The following MTUS2 variants were observed in gnomAD, a reference collection of about 807,000 sequenced individuals.
MTUS2 encodes the protein microtubule associated scaffold protein 2.
A neutral mutation model predicts 114.1 loss-of-function variants in MTUS2; 40 were observed. That is an observed-to-expected ratio of 0.35 (90% confidence interval 0.27 to 0.46). The LOEUF (loss-of-function observed/expected upper bound fraction) is 0.46. MTUS2 is among the 20% of genes least tolerant of loss of function. The pLI is 1.00. For missense variants in MTUS2, 1,679 were observed against 1,705.4 expected, an observed-to-expected ratio of 0.98 and a Z score of 0.27; for synonymous variants, 688 against 672.0, an observed-to-expected ratio of 1.02 and a Z score of -0.37.
At position 29,025,303 on chromosome 13, in the gene MTUS2, C is replaced by T; in HGVS notation, c.605C>T (p.Ser202Phe). 3 of 1,613,952 alleles carry T rather than the reference C, an allele frequency of 1.9e-6. No individual in the cohort carries two copies. The highest frequency in any genetic ancestry group is 2.5e-6 in the Non-Finnish European group (3 of 1,179,882). Residue 202 changes from serine (S) to phenylalanine (F), a missense_variant, in exon 3 of 16, where the codon TCC becomes TTC. By Grantham distance (155) the Ser-to-Phe change is radical (BLOSUM62 -2). Coordinates refer to ENST00000612955, the MANE Select transcript of MTUS2 (RefSeq NM_001033602.4). ...CATCCACAGCCTCTATCCCTCGACT[C>T]CCGGGAAGCACGGGGTCAGATACCT... ...PQHPQPLSLD[S>F]REARGQIPGG...
intron 5 of MTUS2, among the ~76,000 whole-genome samples, chr13:29,268,752 C>G (rs7320114): frequency 0.9 from 136,302 of 152,124 alleles, 62,048 homozygotes; most frequent in Non-Finnish European, 0.98. Context: ...GGCAGGGTCT[C>G]TCTGTGTTGT....
At chr13:29,501,856 C>A (rs925807436) in intron 15 of MTUS2, among the ~76,000 whole-genome samples, 1 of 152,096 alleles carries the variant, frequency 6.6e-6, no homozygotes, top group African/African-American at 2.4e-5. Flanking sequence ...TGCTCACTCA[C>A]ACACACACTT....
chr13:29,443,891 A>G (rs1258217344), intron 9 of MTUS2, among the ~76,000 whole-genome samples: 1 of 152,052 alleles, frequency 6.6e-6, no homozygotes, highest in Non-Finnish European at 1.5e-5. Context: ...CATGGGGGAG[A>G]TGGAATTTCT....
At chr13:28,897,732 A>T (rs1413161875) in intron 2 of MTUS2, among the ~76,000 whole-genome samples, 1 of 152,156 alleles carries the variant, frequency 6.6e-6, no homozygotes, top group African/African-American at 2.4e-5. Context: ...ATAAAAAATG[A>T]TGAGTTCATG....
intron 2 of MTUS2, among the ~76,000 whole-genome samples, chr13:28,893,705 A>G (rs972693977): frequency 4.6e-5 from 7 of 152,212 alleles, no homozygotes; most frequent in African/African-American, 1.4e-4. Flanking sequence ...CATCAGAAGC[A>G]ACATTGAGAT....
At chr13:29,309,232 A>G (rs759319172) in intron 6 of MTUS2, among the ~76,000 whole-genome samples, 5 of 152,214 alleles carry the variant, frequency 3.3e-5, no homozygotes, top group Non-Finnish European at 7.3e-5. Flanking sequence ...TATATACACT[A>G]TGGGATACTA....
intron 9 of MTUS2, among the ~76,000 whole-genome samples, chr13:29,448,282 G>A (rs1878429878): frequency 6.6e-6 from 1 of 152,198 alleles, no homozygotes; most frequent in Admixed American, 6.5e-5. Flanking sequence ...TGGAAGGCCT[G>A]TTGATGTGAA....
intron 5 of MTUS2, among the ~76,000 whole-genome samples, chr13:29,194,402 AAAAC>A (rs1197030041): frequency 8.0e-5 from 12 of 150,632 alleles, no homozygotes; most frequent in South Asian, 6.2e-4. Context: ...TTACAAGAAA[AAAAC>A]AAACAACCCC....
chr13:29,097,653 G>A (rs764271405), intron 4 of MTUS2, among the ~76,000 whole-genome samples: 1 of 152,168 alleles, frequency 6.6e-6, no homozygotes, highest in Non-Finnish European at 1.5e-5. Flanking sequence ...TGTGGCTGAA[G>A]GTCTGAGATC....
At chr13:29,009,403 A>G (rs1420156348) in intron 2 of MTUS2, among the ~76,000 whole-genome samples, 2 of 151,894 alleles carry the variant, frequency 1.3e-5, no homozygotes, top group Admixed American at 6.6e-5. Context: ...TGATATATCA[A>G]AAATATTAAT....
At chr13:29,377,502 A>G (rs901904623) in intron 8 of MTUS2, among the ~76,000 whole-genome samples, 14 of 152,228 alleles carry the variant, frequency 9.2e-5, no homozygotes, top group Admixed American at 6.5e-4. Flanking sequence ...TTGGATGTTA[A>G]ATTACACACT....
chr13:29,213,547 C>A (rs1158273844), intron 5 of MTUS2, among the ~76,000 whole-genome samples: 1 of 152,154 alleles, frequency 6.6e-6, no homozygotes, highest in Non-Finnish European at 1.5e-5. Context: ...TTAGTTTTAT[C>A]ATTTTGATGA....
intron 8 of MTUS2, among the ~76,000 whole-genome samples, chr13:29,398,360 C>T (rs1415824970): frequency 1.3e-5 from 2 of 151,402 alleles, no homozygotes. Context: ...ACTTGGGAGG[C>T]TGAGGCAGGG....
intron 8 of MTUS2, among the ~76,000 whole-genome samples, chr13:29,383,463 C>G (rs1460147201): frequency 2.0e-5 from 3 of 152,050 alleles, no homozygotes; most frequent in African/African-American, 7.2e-5. Context: ...AAACACTGTG[C>G]CTAGCGAAGG....
intron 2 of MTUS2, among the ~76,000 whole-genome samples, chr13:28,882,337 C>A (rs1878340887): frequency 1.3e-5 from 2 of 152,128 alleles, no homozygotes; most frequent in Admixed American, 6.5e-5. Flanking sequence ...TGTGAGCCAC[C>A]ACGCCCGGCC....
At chr13:29,152,690 T>C (rs9508299) in intron 5 of MTUS2, among the ~76,000 whole-genome samples, 60,759 of 151,870 alleles carry the variant, frequency 0.4, 13,950 homozygotes, top group Non-Finnish European at 0.48. Flanking sequence ...TGCCTCAAGA[T>C]GTGGCTTCCC....
rs1177328008 is a variant in MTUS2 at position 29,281,868 on chromosome 13, A to C, written c.2806+3A>C. ...AAAATCCACTTCCACACCCGCTGGT[A>C]AGACTTTGTGCCTTGGAGAGGCTCC... On this transcript the variant is annotated splice_donor_region_variant and intron_variant, in intron 6 of 15. Transcript: ENST00000612955. 1 of 1,585,950 alleles carries C rather than the reference A, an allele frequency of 6.3e-7. No homozygotes were observed. The highest frequency in any genetic ancestry group is 1.1e-5 in the South Asian group (1 of 87,992).
chr13:29,067,605 C>T (rs9508252), intron 4 of MTUS2, among the ~76,000 whole-genome samples: 27,409 of 152,066 alleles, frequency 0.18, 2,900 homozygotes, highest in Non-Finnish European at 0.24. Flanking sequence ...TGAGAATAGA[C>T]GGCTGTTTCT....
At chr13:29,449,051 G>T (rs7327557) in intron 9 of MTUS2, among the ~76,000 whole-genome samples, 74,856 of 151,948 alleles carry the variant, frequency 0.49, 19,972 homozygotes, top group East Asian at 0.85. Context: ...ACTGTACCTG[G>T]CCTAAAGCAC....
Sources: gnomAD v4.1 joint callset for allele counts (sites outside exome capture counted in the v4.1 genomes callset) on GRCh38, gnomAD v4.1.1 for gene constraint, MANE v1.5 for transcripts, NCBI Gene and HGNC (gene_info 2026-07-23, HGNC 2026-07-21) for gene names.